Variants in MCUR1 observed in about 807,000 individuals in gnomAD.
MCUR1 encodes mitochondrial calcium uniporter regulator 1.
A neutral mutation model predicts 42.0 loss-of-function variants in MCUR1; 37 were observed. The observed-to-expected ratio is 0.88, with a 90% CI of 0.68 to 1.16. The LOEUF is 1.16. Among genes scored for constraint, MCUR1 ranks in the 50% most tolerant of loss-of-function variants. The pLI is 0.00. For synonymous variants in MCUR1, 229 were observed against 196.2 expected, an observed-to-expected ratio of 1.17 and a Z score of -1.40; for missense variants, 469 against 468.4, an observed-to-expected ratio of 1.00 and a Z score of -0.01.
intron 5 of MCUR1, among the ~76,000 whole-genome samples, chr6:13,799,754 G>A (rs1056275467): frequency 2.0e-5 from 3 of 151,474 alleles, no homozygotes; most frequent in African/African-American, 7.3e-5. Flanking sequence ...GAGAATTTAA[G>A]GGTTCCTTCC....
At chr6:13,792,463 G>A (rs1309998150) in intron 7 of MCUR1, among the ~76,000 whole-genome samples, 1 of 152,102 alleles carries the variant, frequency 6.6e-6, no homozygotes, top group Non-Finnish European at 1.5e-5. Flanking sequence ...ATGTGAAAGC[G>A]GCAGTGCTTG....
Position 13,798,838 on chromosome 6 carries a change from C to T in MCUR1, c.850G>A (p.Glu284Lys). The T allele has an allele frequency of 6.2e-7, 1 of 1,610,862 alleles. No individual in the cohort carries two copies. Among genetic ancestry groups the T allele is most frequent in the Non-Finnish European group, 8.5e-7 (1 of 1,177,614 alleles). Reference protein sequence around the residue: ...DFNLEKSRVKELYSLNEKKLL... With the variant: ...DFNLEKSRVKKLYSLNEKKLL... ...TTTTTAGTAAAGGAACGTACCAATTCTTTTACTCTGCTCTTTTCTAGGTTG... is the reference window on the plus strand; with the variant it reads ...TTTTTAGTAAAGGAACGTACCAATTTTTTTACTCTGCTCTTTTCTAGGTTG... Residue 284 changes from glutamate to lysine, a missense_variant, in exon 6 of 9, where the codon GAA (glutamate) becomes AAA (lysine). Transcript: ENST00000379170.
rs538268269 is a variant in MCUR1 at position 13,804,202 on chromosome 6, A to G, written c.536-1856T>C. 1.1e-4 allele frequency: 24 copies of G among 209,830 alleles called. No individual in the cohort carries two copies. The East Asian group carries it at 4.0e-3, about 35-fold the overall frequency. The allele number at this position is 209,830 out of a possible 1,614,324, so 13.0% of individuals were successfully genotyped here. A position where few individuals can be genotyped will look rare whatever the true frequency, so the allele number is the denominator to read the frequency against. ...TCCAGGTGTGGTGGTGCATGCCTGT[A>G]ATCCCAGCTACTCAGGAGGATGAGG... On this transcript the variant is annotated intron_variant, in intron 2 of 8. Coordinates refer to ENST00000379170, the MANE Select transcript of MCUR1 (RefSeq NM_001031713.4).
At position 13,814,097 on chromosome 6, in the gene MCUR1, C is replaced by T. The variant is rs569895757; in HGVS notation, c.333G>A (p.Arg111=). The change falls in exon 1 of 9, where the codon AGG becomes AGA. Residue 111 remains arginine, a synonymous_variant. Coordinates refer to ENST00000379170, the MANE Select transcript of MCUR1 (RefSeq NM_001031713.4). The stretch of plus-strand genomic sequence containing the variant: ...CGGCAGCGGCGACGCCCGGTGAGCA[C>T]CTCCACGCGCTGCTGCGCCCGGCCG... ...APPAGRSSAW[R]CSPGVAAAAG... The T allele has an allele frequency of 1.9e-5, 24 of 1,250,198 alleles. No homozygotes were observed. The African/African-American group carries it at 3.3e-4, about 17-fold the overall frequency. The allele number at this position is 1,250,198 out of a possible 1,614,324, so 77.4% of individuals were successfully genotyped here.
intron 1 of MCUR1, among the ~76,000 whole-genome samples, chr6:13,810,291 TTAC>T (rs558321654): frequency 1.1e-4 from 17 of 152,102 alleles, no homozygotes; most frequent in South Asian, 4.1e-4. Context: ...ATATAGCTGC[TTAC>T]TACTACTATT....
chr6:13,809,239 T>C (rs765715586), intron 1 of MCUR1, among the ~76,000 whole-genome samples: 10 of 152,218 alleles, frequency 6.6e-5, no homozygotes, highest in Non-Finnish European at 1.2e-4. Context: ...TCAATGAACA[T>C]GGATGTCTTT....
At chr6:13,810,300 C>T (rs1043179121) in intron 1 of MCUR1, among the ~76,000 whole-genome samples, 1 of 151,854 alleles carries the variant, frequency 6.6e-6, no homozygotes, top group Non-Finnish European at 1.5e-5. Flanking sequence ...CTTACTACTA[C>T]TATTAAATAT....
At chr6:13,794,638 G>GT (rs11411080) in intron 6 of MCUR1, among the ~76,000 whole-genome samples, 85,995 of 143,632 alleles carry the variant, frequency 0.6, 26,394 homozygotes, top group African/African-American at 0.76. Flanking sequence ...CACATGTTGG[G>GT]TTTTTTTTTT....
At chr6:13,791,300 G>T (rs1285094856) in intron 8 of MCUR1, among the ~76,000 whole-genome samples, 1 of 152,140 alleles carries the variant, frequency 6.6e-6, no homozygotes, top group Non-Finnish European at 1.5e-5. Flanking sequence ...TGGTCACAAG[G>T]TCTATGTATA....
chr6:13,811,653 CT>C (rs1561737603), intron 1 of MCUR1, among the ~76,000 whole-genome samples: 1 of 152,182 alleles, frequency 6.6e-6, no homozygotes, highest in South Asian at 2.1e-4. Context: ...CAGAACTCTA[CT>C]GGACTGCCCC....
intron 2 of MCUR1, among the ~76,000 whole-genome samples, chr6:13,802,909 T>A (rs2113469224): frequency 6.6e-6 from 1 of 152,368 alleles, no homozygotes; most frequent in South Asian, 2.1e-4. Context: ...AGCTGTTGGC[T>A]AACTTCATGT....
intron 1 of MCUR1, among the ~76,000 whole-genome samples, chr6:13,813,343 T>C (rs752192558): frequency 1.3e-5 from 2 of 152,302 alleles, no homozygotes; most frequent in Middle Eastern, 3.4e-3. Context: ...CCATTCCACT[T>C]CCCAAGCCTT....
At chr6:13,802,523 A>G in intron 2 of MCUR1, among the ~76,000 whole-genome samples, 177 bp from the exon 3 acceptor site, 1 of 152,198 alleles carries the variant, frequency 6.6e-6, no homozygotes, top group East Asian at 1.9e-4. Context: ...AGCAAGCACG[A>G]AACATACAAG....
intron 2 of MCUR1, among the ~76,000 whole-genome samples, chr6:13,802,605 T>C (rs1760015739): frequency 6.6e-6 from 1 of 152,190 alleles, no homozygotes; most frequent in South Asian, 2.1e-4. Flanking sequence ...AAGTCATGTT[T>C]TCAGAGACTA....
intron 1 of MCUR1, among the ~76,000 whole-genome samples, chr6:13,810,421 C>T (rs1225967380): frequency 6.6e-6 from 1 of 152,052 alleles, no homozygotes; most frequent in Non-Finnish European, 1.5e-5. Context: ...TTTGTCATTA[C>T]TTTTCTAATT....
intron 5 of MCUR1, among the ~76,000 whole-genome samples, chr6:13,800,131 A>G (rs548884530): frequency 9.9e-5 from 15 of 152,184 alleles, no homozygotes; most frequent in African/African-American, 3.6e-4. Context: ...ATGCCTGGCC[A>G]CAATTTTCTT....
Position 13,813,004 on chromosome 6 carries a change from C to T in MCUR1, c.415+1011G>A, listed in dbSNP as rs75855770. Among the ~76,000 whole-genome samples, 188 of 152,310 alleles carry T rather than the reference C, an allele frequency of 1.2e-3. 5 individuals are homozygous for T. The East Asian group carries it at 0.034, about 27-fold the overall frequency. On this transcript the variant is annotated intron_variant, in intron 1 of 8. Coordinates refer to ENST00000379170, the MANE Select transcript of MCUR1 (RefSeq NM_001031713.4). ...GCACACACGACAGTGGTCTATGAGA[C>T]TATAATACATATTTTTACTCTACCT...
At chr6:13,804,059 G>A in intron 2 of MCUR1, 8 of 961,338 alleles carry the variant, frequency 8.3e-6, no homozygotes, top group South Asian at 4.7e-5. Flanking sequence ...AGTGGTTCAC[G>A]CCTGTAATCC....
At chr6:13,792,147 C>G (rs765208350) in intron 7 of MCUR1, among the ~76,000 whole-genome samples, 155 bp from the exon 8 acceptor site, 1 of 152,194 alleles carries the variant, frequency 6.6e-6, no homozygotes. Context: ...CCTAATTCTA[C>G]GCTGCATTGG....
Sources: gnomAD v4.1 joint callset for allele counts (sites outside exome capture counted in the v4.1 genomes callset) on GRCh38, gnomAD v4.1.1 for gene constraint, MANE v1.5 for transcripts, NCBI Gene and HGNC (gene_info 2026-07-23, HGNC 2026-07-21) for gene names.